Variants in TMEM108 observed in about 807,000 individuals in gnomAD.
The protein encoded by TMEM108 is cancer/testis antigen 124.
TMEM108 carries 12 observed loss-of-function variants against 35.1 expected under a neutral mutation model. The observed-to-expected ratio is 0.34, with a 90% CI of 0.22 to 0.55. TMEM108 has a LOEUF of 0.55. Ranked by LOEUF, TMEM108 falls within the 20% of genes least tolerant of loss-of-function variation. The pLI, the probability that TMEM108 is intolerant of heterozygous loss-of-function variation, is 0.89. For missense variants in TMEM108, 680 were observed against 753.3 expected (o/e 0.90, Z 1.14); for synonymous variants, 287 against 308.6 (o/e 0.93, Z 0.73).
At chr3:133,177,300 C>T (rs1945248761) in intron 2 of TMEM108, among the ~76,000 whole-genome samples, 1 of 152,190 alleles carries the variant, frequency 6.6e-6, no homozygotes. Context: ...AGGGAATCCT[C>T]CCTAACTCAT....
chr3:133,057,950 G>A (rs954032403), intron 2 of TMEM108, among the ~76,000 whole-genome samples: 2 of 152,158 alleles, frequency 1.3e-5, no homozygotes, highest in East Asian at 3.9e-4. Flanking sequence ...GAGACTGGTT[G>A]TATTACGTTA....
intron 3 of TMEM108, among the ~76,000 whole-genome samples, chr3:133,258,146 C>G (rs902782745): frequency 6.6e-6 from 1 of 152,104 alleles, no homozygotes; most frequent in Non-Finnish European, 1.5e-5. Flanking sequence ...GATTAATGCC[C>G]TTATAAAAGA....
At chr3:133,293,051 A>G (rs1238574801) in intron 3 of TMEM108, among the ~76,000 whole-genome samples, 3 of 152,188 alleles carry the variant, frequency 2.0e-5, no homozygotes, top group Admixed American at 2.0e-4. Context: ...CTTAAGAACA[A>G]TAGGGAACAG....
chr3:133,097,344 A>G (rs528872372), intron 2 of TMEM108, among the ~76,000 whole-genome samples: 10 of 152,356 alleles, frequency 6.6e-5, no homozygotes, highest in Admixed American at 1.3e-4. Context: ...TGATGAAAAC[A>G]TAACTGCTTT....
intron 2 of TMEM108, among the ~76,000 whole-genome samples, chr3:133,126,320 A>G (rs1156581185): frequency 2.0e-5 from 3 of 152,084 alleles, no homozygotes; most frequent in Non-Finnish European, 4.4e-5. Flanking sequence ...TACAAAAATT[A>G]GCCAGGCATG....
intron 2 of TMEM108, chr3:133,120,786 T>A (rs1944343274): frequency 6.6e-6 from 1 of 152,174 alleles, no homozygotes; most frequent in South Asian, 2.1e-4. Flanking sequence ...GTGCCTAGCA[T>A]AGATAGCACA....
chr3:133,164,579 G>A (rs1945009591), intron 2 of TMEM108, among the ~76,000 whole-genome samples: 2 of 152,134 alleles, frequency 1.3e-5, no homozygotes, highest in South Asian at 4.1e-4. Flanking sequence ...CACATGATGT[G>A]GTCAAAACAC....
At chr3:133,114,160 G>A (rs1204071597) in intron 2 of TMEM108, among the ~76,000 whole-genome samples, 1 of 152,158 alleles carries the variant, frequency 6.6e-6, no homozygotes, top group Non-Finnish European at 1.5e-5. Flanking sequence ...AGGTTGCAAA[G>A]AGATGAGCCA....
intron 4 of TMEM108, chr3:133,387,946 A>G: frequency 1.0e-6 from 1 of 985,410 alleles, no homozygotes; most frequent in Non-Finnish European, 1.2e-6. Flanking sequence ...TACCTTAGAG[A>G]GGCGTGCAAA....
intron 2 of TMEM108, among the ~76,000 whole-genome samples, chr3:133,049,268 T>C (rs781105596): frequency 1.3e-5 from 2 of 152,226 alleles, no homozygotes; most frequent in Non-Finnish European, 2.9e-5. Flanking sequence ...ACTAGCCACA[T>C]GTGGCTTTTT....
At chr3:133,112,784 A>G (rs1944241553) in intron 2 of TMEM108, among the ~76,000 whole-genome samples, 1 of 152,212 alleles carries the variant, frequency 6.6e-6, no homozygotes, top group East Asian at 1.9e-4. Flanking sequence ...GGGAGAAATC[A>G]GAGAATTGAA....
intron 2 of TMEM108, among the ~76,000 whole-genome samples, chr3:133,066,904 T>C (rs1306084673): frequency 6.6e-6 from 1 of 152,124 alleles, no homozygotes; most frequent in Non-Finnish European, 1.5e-5. Flanking sequence ...TGAGTGAAAA[T>C]GAAACAATAA....
chr3:133,306,856 G>A (rs1173653192), intron 3 of TMEM108, among the ~76,000 whole-genome samples: 1 of 152,064 alleles, frequency 6.6e-6, no homozygotes, highest in Non-Finnish European at 1.5e-5. Flanking sequence ...CTTTATAGCA[G>A]CATGATTTAT....
chr3:133,374,573 C>T (rs931857823), intron 3 of TMEM108, among the ~76,000 whole-genome samples: 2 of 149,894 alleles, frequency 1.3e-5, no homozygotes, highest in African/African-American at 2.5e-5. Flanking sequence ...TACACACACA[C>T]ACATATATAA....
At chr3:133,115,646 C>G (rs1402493181) in intron 2 of TMEM108, among the ~76,000 whole-genome samples, 1 of 152,218 alleles carries the variant, frequency 6.6e-6, no homozygotes, top group Non-Finnish European at 1.5e-5. Context: ...GGCCATGCCT[C>G]TAGGCAGTTT....
chr3:133,110,197 T>C (rs189036492), intron 2 of TMEM108, among the ~76,000 whole-genome samples: 3 of 152,288 alleles, frequency 2.0e-5, no homozygotes, highest in Admixed American at 1.3e-4. Flanking sequence ...CTGAGAGAGC[T>C]ACATAAACTT....
At chr3:133,046,406 A>G (rs1943341120) in intron 2 of TMEM108, among the ~76,000 whole-genome samples, 1 of 152,072 alleles carries the variant, frequency 6.6e-6, no homozygotes, top group Admixed American at 6.6e-5. Flanking sequence ...CTCACCTACC[A>G]CCTTCTTTCT....
intron 3 of TMEM108, among the ~76,000 whole-genome samples, chr3:133,233,930 C>T (rs1023857618): frequency 2.0e-5 from 3 of 151,534 alleles, no homozygotes; most frequent in Non-Finnish European, 4.4e-5. Flanking sequence ...ACTGTAGATT[C>T]TGGATATTAG....
intron 2 of TMEM108, among the ~76,000 whole-genome samples, chr3:133,056,362 G>A (rs902262529): frequency 2.0e-5 from 3 of 152,134 alleles, no homozygotes; most frequent in Admixed American, 2.0e-4. Context: ...CCTGTGGCCA[G>A]ATAGATCTGC....
Sources: gnomAD v4.1 joint callset for allele counts (sites outside exome capture counted in the v4.1 genomes callset) on GRCh38, gnomAD v4.1.1 for gene constraint, MANE v1.5 for transcripts, NCBI Gene and HGNC (gene_info 2026-07-23, HGNC 2026-07-21) for gene names.